Variants in GASK1A observed in about 807,000 individuals in gnomAD.
GASK1A encodes Golgi-associated kinase 1A.
A neutral mutation model predicts 41.2 loss-of-function variants in GASK1A; 40 were observed. That is an observed-to-expected ratio of 0.97 (90% confidence interval 0.75 to 1.27). The LOEUF (loss-of-function observed/expected upper bound fraction) is 1.27. Among genes scored for constraint, GASK1A ranks in the 50% most tolerant of loss-of-function variants. The pLI, the probability that GASK1A is intolerant of heterozygous loss-of-function variation, is 0.00. For synonymous variants in GASK1A, 316 were observed against 307.1 expected, an observed-to-expected ratio of 1.03 and a Z score of -0.30; for missense variants, 678 against 745.1, an observed-to-expected ratio of 0.91 and a Z score of 1.05.
At chr3:42,986,318 G>C (rs573171920) in intron 1 of GASK1A, among the ~76,000 whole-genome samples, 1 of 152,286 alleles carries the variant, frequency 6.6e-6, no homozygotes, top group East Asian at 1.9e-4. Flanking sequence ...GGGGTTAGGG[G>C]TAGAGAGGCT....
chr3:43,053,208 G>A (rs551314775), intron 2 of GASK1A, among the ~76,000 whole-genome samples: 15 of 152,332 alleles, frequency 9.8e-5, no homozygotes, highest in Middle Eastern at 3.4e-3. Context: ...ACAGGCAGAC[G>A]GTCAGCATTC....
chr3:42,982,181 G>T (rs1354762608), intron 1 of GASK1A, among the ~76,000 whole-genome samples: 1 of 152,194 alleles, frequency 6.6e-6, no homozygotes, highest in Non-Finnish European at 1.5e-5. Context: ...TGGAACACTT[G>T]TCAGTTTCTT....
In GASK1A at chr3:43,046,352, C is replaced by T. The variant is rs143637569; in HGVS notation, c.1291-7169C>T. Reference sequence around the variant, plus strand: ...TGCTATGCTTTAGCAAAGAAACTGGCGGCATTTTGCCCCTGCCCTAGAGAT... The same window carrying T: ...TGCTATGCTTTAGCAAAGAAACTGGTGGCATTTTGCCCCTGCCCTAGAGAT... On this transcript the variant is annotated intron_variant, in intron 2 of 4. Coordinates refer to ENST00000430121, the MANE Select transcript of GASK1A (RefSeq NM_001129908.3). Among the ~76,000 whole-genome samples, 1,229 of 152,306 alleles carry T rather than the reference C, an allele frequency of 8.1e-3. 32 individuals carry two copies. The highest frequency in any genetic ancestry group is 0.046 in the Admixed American group (700 of 15,294).
intron 1 of GASK1A, among the ~76,000 whole-genome samples, chr3:42,998,749 G>A (rs2089390378): frequency 6.6e-6 from 1 of 152,116 alleles, no homozygotes; most frequent in Admixed American, 6.5e-5. Context: ...CGCTCCCTGT[G>A]ACCTTAGGTG....
intron 1 of GASK1A, among the ~76,000 whole-genome samples, chr3:43,021,837 C>T (rs532449395): frequency 1.5e-4 from 23 of 152,312 alleles, no homozygotes; most frequent in South Asian, 1.5e-3. Flanking sequence ...GCTCCTTCTC[C>T]GCAACTGTGG....
In GASK1A at chr3:43,032,777, A is replaced by C. The variant is rs770394487; in HGVS notation, c.514A>C (p.Ser172Arg). 4.5e-6 allele frequency: 7 copies of C among 1,551,086 alleles called. No individual in the cohort carries two copies. Among genetic ancestry groups the C allele is most frequent in the Non-Finnish European group, 6.1e-6 (7 of 1,146,986 alleles). The change falls in exon 2 of 5, where the codon AGT becomes CGT. Residue 172 changes from serine (S) to arginine (R), a missense_variant. Physicochemically the swap from Ser to Arg is moderately radical, Grantham distance 110. Transcript: ENST00000430121. ...ACAGAGTGAGGTGGTCACCCTGGTC[A>C]GTCCACTCCCAGGGAGTGACATGGC... ...ETQSEVVTLV[S>R]PLPGSDMAAL...
chr3:43,054,039 C>T (rs2089704766), intron 3 of GASK1A: 1 of 352,082 alleles, frequency 2.8e-6, no homozygotes, highest in Admixed American at 3.8e-5. Context: ...CATACGCTAG[C>T]AGCATTAGGG....
At chr3:42,985,691 G>A (rs543999810) in intron 1 of GASK1A, among the ~76,000 whole-genome samples, 1 of 152,092 alleles carries the variant, frequency 6.6e-6, no homozygotes, top group East Asian at 1.9e-4. Context: ...AAGATATAGA[G>A]AAAGGATAGA....
intron 1 of GASK1A, among the ~76,000 whole-genome samples, chr3:43,002,133 G>C (rs138121449): frequency 8.5e-5 from 13 of 152,094 alleles, no homozygotes; most frequent in African/African-American, 3.1e-4. Flanking sequence ...TCAAACATTC[G>C]TCTTCCCAGA....
chr3:43,056,353 C>G lies in GASK1A; in HGVS notation c.1695C>G (p.His565Gln). The G allele has an allele frequency of 6.4e-7, 1 of 1,550,738 alleles. No homozygotes were observed. The highest frequency in any genetic ancestry group is 8.7e-7 in the Non-Finnish European group (1 of 1,146,806). Residue 565 changes from histidine (H) to glutamine (Q), a missense_variant, in exon 5 of 5, where the codon CAC becomes CAG. Transcript: ENST00000430121. ...GQVLLGHIQK[H>Q]NLTLFRDEDP Reference sequence around the variant, plus strand: ...TGCTGCTGGGACACATCCAAAAGCACAACCTCACACTCTTCAGGGACGAGG... The same window carrying G: ...TGCTGCTGGGACACATCCAAAAGCAGAACCTCACACTCTTCAGGGACGAGG...
chr3:43,010,854 CAGCCATGGACACATGGA>C (rs2089459819), intron 1 of GASK1A, among the ~76,000 whole-genome samples: 1 of 152,176 alleles, frequency 6.6e-6, no homozygotes, highest in Non-Finnish European at 1.5e-5. Context: ...CCTGGGCAGA[CAGCCATGGACACATGGA>C]TGGCTCCTCC....
intron 2 of GASK1A, among the ~76,000 whole-genome samples, chr3:43,050,073 A>G (rs1438163526): frequency 6.6e-6 from 1 of 151,256 alleles, no homozygotes; most frequent in African/African-American, 2.4e-5. Flanking sequence ...AAATACATTT[A>G]TACTGTCTTT....
chr3:43,019,381 T>A (rs2125682499), intron 1 of GASK1A, among the ~76,000 whole-genome samples: 1 of 152,278 alleles, frequency 6.6e-6, no homozygotes, highest in East Asian at 1.9e-4. Context: ...AGAGGGAGGT[T>A]GTGCCTGTTG....
At position 43,033,261 on chromosome 3, in the gene GASK1A, A is replaced by C. The variant is rs545758722; in HGVS notation, c.998A>C (p.His333Pro). 1 of 1,551,638 alleles carries C rather than the reference A, an allele frequency of 6.4e-7. No individual in the cohort carries two copies. The highest frequency in any genetic ancestry group is 8.7e-7 in the Non-Finnish European group (1 of 1,146,966). ...GACCTGCCTGAGGTCCTGTCCTTCC[A>C]CGTAGATCGTGTGCTGGGGCTGCGC... ...PGDLPEVLSF[H>P]VDRVLGLRRS... Residue 333 changes from histidine (H) to proline (P), a missense_variant, in exon 2 of 5, where the codon CAC (histidine) becomes CCC (proline). Physicochemically the swap from His to Pro is moderately conservative, Grantham distance 77. Coordinates refer to ENST00000430121, the MANE Select transcript of GASK1A (RefSeq NM_001129908.3).
rs144161734 is a variant in GASK1A at position 43,015,469 on chromosome 3, C to G, written c.4-16798C>G. 9.0e-3 allele frequency among the ~76,000 whole-genome samples: 1,351 copies of G among 150,466 alleles called. 18 individuals carry two copies. Among genetic ancestry groups the G allele is most frequent in the African/African-American group, 0.031 (1,259 of 40,788 alleles). On this transcript the variant is annotated intron_variant, in intron 1 of 4. Coordinates refer to ENST00000430121, the MANE Select transcript of GASK1A (RefSeq NM_001129908.3). ...CACAGAAAGGGGCAGTGTGAAGTCA[C>G]AGGAAGGGGCAGTGTGAAGCCACAG...
intron 1 of GASK1A, among the ~76,000 whole-genome samples, chr3:43,025,828 C>T (rs993498521): frequency 1.3e-5 from 2 of 152,148 alleles, no homozygotes; most frequent in African/African-American, 2.4e-5. Context: ...GGTGTAAACA[C>T]GGCAGCATAA....
chr3:43,043,249 C>T (rs1321989093), intron 2 of GASK1A, among the ~76,000 whole-genome samples: 3 of 152,164 alleles, frequency 2.0e-5, no homozygotes, highest in African/African-American at 4.8e-5. Flanking sequence ...CATGGGCCAC[C>T]AGAGACAGCA....
intron 2 of GASK1A, 30 bp downstream of exon 2, chr3:43,033,583 A>T: frequency 6.7e-7 from 1 of 1,486,742 alleles, no homozygotes; most frequent in Non-Finnish European, 9.0e-7. Context: ...AGGGGTAGAG[A>T]GCTGCGGAGG....
At chr3:43,039,192 GT>G (rs11364905) in intron 2 of GASK1A, among the ~76,000 whole-genome samples, 45,432 of 131,906 alleles carry the variant, frequency 0.34, 7,997 homozygotes, top group East Asian at 0.57. Context: ...CCACCAGGTA[GT>G]TTTTTTTTTT....
Sources: allele counts gnomAD v4.1 joint callset (sites outside exome capture counted in the v4.1 genomes callset), GRCh38; gene constraint gnomAD v4.1.1; transcripts MANE v1.5; gene names NCBI Gene and HGNC (gene_info 2026-07-23, HGNC 2026-07-21).